The following AKAP13 variants were observed in gnomAD, a reference collection of about 807,000 sequenced individuals.
AKAP13 encodes A-kinase anchor protein 13.
Under a neutral mutation model 264.5 loss-of-function variants are expected in AKAP13, and 80 were observed. That is an observed-to-expected ratio of 0.30 (90% CI 0.25 to 0.36). The LOEUF is 0.36. Ranked by LOEUF, AKAP13 falls within the 10% of genes least tolerant of loss-of-function variation. The pLI, the probability that AKAP13 is intolerant of heterozygous loss-of-function variation, is 1.00. For synonymous variants in AKAP13, 1,380 were observed against 1,250.2 expected (o/e 1.10, Z -2.19); for missense variants, 3,712 against 3,435.2 (o/e 1.08, Z -2.01).
chr15:85,410,639 G>A (rs533358957), intron 1 of AKAP13, among the ~76,000 whole-genome samples: 3 of 151,478 alleles, frequency 2.0e-5, no homozygotes, highest in Admixed American at 6.5e-5. Flanking sequence ...TCTCTTCTGC[G>A]ACTCTCAGAT....
intron 1 of AKAP13, among the ~76,000 whole-genome samples, chr15:85,458,386 G>GTGTTT (rs2074362019): frequency 9.6e-6 from 1 of 103,932 alleles, no homozygotes; most frequent in African/African-American, 5.1e-5. Context: ...TGTATTTTTT[G>GTGTTT]TTTTTTGTTT....
chr15:85,717,476 C>A, intron 21 of AKAP13, 74 bp downstream of exon 21: 2 of 1,019,788 alleles, frequency 2.0e-6, no homozygotes, highest in South Asian at 1.4e-5. Context: ...GAACATAAGT[C>A]TTAATGGAGT....
chr15:85,596,264 T>A (rs1232052559), intron 8 of AKAP13, among the ~76,000 whole-genome samples: 1 of 152,200 alleles, frequency 6.6e-6, no homozygotes. Context: ...GTAGTTGGCA[T>A]TTGCTCCTGA....
intron 33 of AKAP13, 93 bp downstream of exon 33, chr15:85,736,227 C>A: frequency 2.7e-6 from 3 of 1,115,592 alleles, no homozygotes; most frequent in Non-Finnish European, 3.9e-6. Flanking sequence ...TTTCTTTTTG[C>A]TGTTACAAAG....
intron 1 of AKAP13, among the ~76,000 whole-genome samples, chr15:85,480,107 A>G (rs924262198): frequency 6.6e-6 from 1 of 152,206 alleles, no homozygotes; most frequent in African/African-American, 2.4e-5. Context: ...TAAGAAACAG[A>G]TTATTTAGGG....
At chr15:85,723,349 T>C in intron 26 of AKAP13, 29 bp downstream of exon 26, 6 of 1,604,952 alleles carry the variant, frequency 3.7e-6, no homozygotes, top group Non-Finnish European at 5.1e-6. Flanking sequence ...GTCTTAAGTA[T>C]GTGCCCAGGT....
intron 8 of AKAP13, among the ~76,000 whole-genome samples, chr15:85,631,063 A>C (rs1224618020): frequency 6.6e-6 from 1 of 152,190 alleles, no homozygotes; most frequent in Non-Finnish European, 1.5e-5. Context: ...TAAAATGTGG[A>C]TATATCCATA....
chr15:85,705,149 A>T (rs1325686752), intron 17 of AKAP13, among the ~76,000 whole-genome samples: 1 of 152,156 alleles, frequency 6.6e-6, no homozygotes, highest in East Asian at 1.9e-4. Context: ...ATTTTAAATG[A>T]TTTTTTTCTG....
At position 85,579,327 on chromosome 15, in the gene AKAP13, A is replaced by G. The variant is rs1224336538; in HGVS notation, c.1259A>G (p.Asn420Ser). 2 of 1,614,114 alleles carry G rather than the reference A, an allele frequency of 1.2e-6. No homozygotes were observed. Among genetic ancestry groups the G allele is most frequent in the Non-Finnish European group, 8.5e-7 (1 of 1,180,040 alleles). ...ACGGAAGGCCTTTCGTCCTGTGGAAACAGAAATGAAGAAACTGGAACAAAA... is the reference window on the plus strand; with the variant it reads ...ACGGAAGGCCTTTCGTCCTGTGGAAGCAGAAATGAAGAAACTGGAACAAAA... ...KGTEGLSSCG[N>S]RNEETGTKSS... The change falls in exon 7 of 37, where the codon AAC becomes AGC. Residue 420 changes from asparagine to serine, a missense_variant. Physicochemically the swap from Asn to Ser is conservative, Grantham distance 46. This residue lies in a region of AKAP13 where 2,759 missense variants were observed against 2,411.7 expected (regional missense o/e 1.14). Transcript: ENST00000394518.
chr15:85,453,035 G>T (rs1284116759), intron 1 of AKAP13, among the ~76,000 whole-genome samples: 1 of 152,200 alleles, frequency 6.6e-6, no homozygotes, highest in Non-Finnish European at 1.5e-5. Flanking sequence ...CAAGCCAGGG[G>T]TTGGTTCCCT....
At chr15:85,546,183 G>A (rs772955880) in intron 5 of AKAP13, among the ~76,000 whole-genome samples, 2 of 152,102 alleles carry the variant, frequency 1.3e-5, no homozygotes, top group Non-Finnish European at 2.9e-5. Flanking sequence ...AAAAAAGAAT[G>A]TATTTCTCAC....
At chr15:85,653,520 A>G (rs774783899) in intron 10 of AKAP13, among the ~76,000 whole-genome samples, 18 of 152,220 alleles carry the variant, frequency 1.2e-4, no homozygotes, top group Non-Finnish European at 2.5e-4. Context: ...GATCAAGCCC[A>G]AAAGGTAGGA....
intron 7 of AKAP13, chr15:85,582,888 G>A (rs1304184466): frequency 2.0e-6 from 2 of 985,482 alleles, no homozygotes; most frequent in Non-Finnish European, 2.4e-6. Context: ...TCTTGGTGAA[G>A]CAGCTGCACT....
intron 8 of AKAP13, among the ~76,000 whole-genome samples, chr15:85,631,354 T>C (rs2081794920): frequency 3.3e-5 from 5 of 152,168 alleles, no homozygotes; most frequent in Admixed American, 3.3e-4. Context: ...AATTACATAG[T>C]GGTGATGGTT....
chr15:85,708,694 G>T lies in AKAP13; in HGVS notation c.5532+608G>T, dbSNP rs1329904846. ...GTGGGTTAAGGGCCATACCTTTTAGGTAGCCTGTGAGGTTTTCAATGTTCT... is the reference window on the plus strand; with the variant it reads ...GTGGGTTAAGGGCCATACCTTTTAGTTAGCCTGTGAGGTTTTCAATGTTCT... On this transcript the variant is annotated intron_variant, in intron 18 of 36. Transcript: ENST00000394518. This position sits in a 1 kb window ranked among gnomAD's most constrained non-coding sequence, Gnocchi z 4.3. Among the ~76,000 whole-genome samples, 1 of 152,202 alleles carries T rather than the reference G, an allele frequency of 6.6e-6. No homozygotes were observed. Among genetic ancestry groups the T allele is most frequent in the African/African-American group, 2.4e-5 (1 of 41,450 alleles).
rs2150990476 is a variant in AKAP13, at chr15:85,457,424, A to T, written c.-11-28286A>T. 3.3e-5 allele frequency among the ~76,000 whole-genome samples: 5 copies of T among 152,336 alleles called. No individual in the cohort carries two copies. The South Asian group carries it at 1.0e-3, about 32-fold the overall frequency. On this transcript the variant is annotated intron_variant, in intron 1 of 36. Transcript: ENST00000394518. ...AGGAAGCCATGGAGATTTCTTAAGA[A>T]GAGAGACACTTCCTACCTTTCTTTT...
chr15:85,726,347 G>T, intron 26 of AKAP13, 63 bp from the exon 27 acceptor site: 2 of 1,402,384 alleles, frequency 1.4e-6, no homozygotes, highest in South Asian at 2.4e-5. Context: ...AAAACCTTCT[G>T]ACTGTGGGTA....
chr15:85,431,667 A>C (rs17553006), intron 1 of AKAP13, among the ~76,000 whole-genome samples: 1 of 151,900 alleles, frequency 6.6e-6, no homozygotes, highest in South Asian at 2.1e-4. Context: ...CCTAAAGTCA[A>C]CTCTTCCCAG....
intron 1 of AKAP13, chr15:85,415,145 CT>C: frequency 1.2e-6 from 1 of 810,238 alleles, no homozygotes. Flanking sequence ...AGGGAAATAC[CT>C]TTAAAAAAAA....
Sources: gnomAD v4.1 joint callset for allele counts (sites outside exome capture counted in the v4.1 genomes callset) on GRCh38, gnomAD v4.1.1 for gene constraint, gnomAD v4.1.1 regional missense constraint, Gnocchi (gnomAD v3.1) non-coding constraint, MANE v1.5 for transcripts, NCBI Gene and HGNC (gene_info 2026-07-23, HGNC 2026-07-21) for gene names.